CAMTA1: variants seen among roughly 807,000 people sequenced by gnomAD.
CAMTA1 encodes the protein calmodulin-binding transcription activator 1.
In CAMTA1, 27 loss-of-function variants were observed where a neutral mutation model predicts 170.9. The ratio of observed to expected loss-of-function variants is 0.16; its 90% CI spans 0.12 to 0.22. The LOEUF (loss-of-function observed/expected upper bound fraction) is 0.22. CAMTA1 is among the 10% of genes least tolerant of loss of function. The probability of loss-of-function intolerance (pLI) is 1.00; values close to 1 mark genes in which losing one functional copy is unlikely to be tolerated. For synonymous variants in CAMTA1, 833 were observed against 891.5 expected, an observed-to-expected ratio of 0.93 and a Z score of 1.17; for missense variants, 1,619 against 2,217.2, an observed-to-expected ratio of 0.73 and a Z score of 5.42.
intron 6 of CAMTA1, among the ~76,000 whole-genome samples, chr1:7,602,815 ACACTG>A (rs1260420016): frequency 4.2e-4 from 64 of 152,334 alleles, no homozygotes; most frequent in African/African-American, 1.5e-3. Flanking sequence ...TTCCCTCTAC[ACACTG>A]CTTTGAATAT....
At chr1:7,168,439 G>T (rs895119665) in intron 4 of CAMTA1, among the ~76,000 whole-genome samples, 9 of 152,206 alleles carry the variant, frequency 5.9e-5, no homozygotes, top group African/African-American at 2.2e-4. Flanking sequence ...GTCTTGCTCT[G>T]TTGCCCAGGC....
chr1:6,823,227 C>T (rs1408834788), intron 2 of CAMTA1, among the ~76,000 whole-genome samples: 18 of 152,036 alleles, frequency 1.2e-4, no homozygotes, highest in Admixed American at 1.2e-3. Context: ...ATCTGGTATT[C>T]TCTGCTTTAA....
intron 5 of CAMTA1, among the ~76,000 whole-genome samples, chr1:7,267,700 G>T (rs1338202985): frequency 6.6e-6 from 1 of 152,202 alleles, no homozygotes; most frequent in Admixed American, 6.5e-5. Context: ...GGGGCCCTGT[G>T]ATGGGCTTTT....
chr1:6,842,308 A>C (rs1656113560), intron 3 of CAMTA1, among the ~76,000 whole-genome samples: 1 of 152,186 alleles, frequency 6.6e-6, no homozygotes, highest in Non-Finnish European at 1.5e-5. Context: ...AGTGAGTGTA[A>C]AAACGCCCTC....
At chr1:7,639,926 G>A (rs1230687813) in intron 6 of CAMTA1, among the ~76,000 whole-genome samples, 1 of 152,156 alleles carries the variant, frequency 6.6e-6, no homozygotes, top group Non-Finnish European at 1.5e-5. Flanking sequence ...GCCTGTGTTG[G>A]GGGCATCCCG....
At chr1:6,902,320 C>T (rs1677291440) in intron 3 of CAMTA1, among the ~76,000 whole-genome samples, 1 of 152,170 alleles carries the variant, frequency 6.6e-6, no homozygotes, top group African/African-American at 2.4e-5. Context: ...AAAGCTGAAA[C>T]AACCCAAATG....
intron 7 of CAMTA1, among the ~76,000 whole-genome samples, chr1:7,659,068 G>T (rs562976719): frequency 1.5e-4 from 23 of 152,318 alleles, no homozygotes; most frequent in Non-Finnish European, 2.9e-4. Context: ...AAGTGAAGAT[G>T]CAGGAGGCAG....
rs143801426 is a variant in CAMTA1, at chr1:7,686,050, T to C, written c.2914+8317T>C. Among the ~76,000 whole-genome samples, 336 of 152,272 alleles carry C rather than the reference T, an allele frequency of 2.2e-3. 1 individual carries two copies. The highest frequency in any genetic ancestry group is 7.7e-3 in the African/African-American group (318 of 41,550). On this transcript the variant is annotated intron_variant, in intron 11 of 22. Transcript: ENST00000303635. ...CCTTAATTCAGCCCAAACTAATCAA[T>C]TGTGCACGTCCTAACCAGTCTTCCC... is the stretch of plus-strand genomic sequence containing the variant.
rs533930582 is a variant in CAMTA1 at position 7,162,547 on chromosome 1, G to C, written c.302+71176G>C. Among the ~76,000 whole-genome samples the C allele has an allele frequency of 2.0e-5, 3 of 152,220 alleles. No individual in the cohort carries two copies. In the East Asian group the frequency reaches 5.8e-4, roughly 29 times the overall value. ...GTATTGTGGACATTTTATATAAAAA[G>C]AATCATACAATGGGTGGTCTCTTGC... is the stretch of plus-strand genomic sequence containing the variant. On this transcript the variant is annotated intron_variant, in intron 4 of 22. Transcript: ENST00000303635.
At chr1:7,375,482 C>T (rs2086775685) in intron 5 of CAMTA1, among the ~76,000 whole-genome samples, 1 of 152,198 alleles carries the variant, frequency 6.6e-6, no homozygotes, top group Non-Finnish European at 1.5e-5. Context: ...CTGGTTGCCA[C>T]TGGGGGACTG....
Position 7,767,937 on chromosome 1 carries a change from G to T in CAMTA1, c.*1446G>T, listed in dbSNP as rs192946928. Reference sequence around the variant, plus strand: ...AAGGATATGTTTACATTTAATTTTGGCTACCAGGAGTTTAGTTTATTTTAT... The same window carrying T: ...AAGGATATGTTTACATTTAATTTTGTCTACCAGGAGTTTAGTTTATTTTAT... On this transcript the variant is annotated 3_prime_UTR_variant, in exon 23 of 23. Transcript: ENST00000303635. The T allele has an allele frequency of 6.6e-6, 1 of 151,922 alleles. No individual in the cohort carries two copies. The highest frequency in any genetic ancestry group is 1.5e-5 in the Non-Finnish European group (1 of 67,860). 9.4% of individuals were successfully genotyped at this position (151,922 alleles called of 1,614,324 possible).
chr1:7,412,394 A>G lies in CAMTA1; in HGVS notation c.439-55436A>G, dbSNP rs1417098750. 9.9e-5 allele frequency among the ~76,000 whole-genome samples: 15 copies of G among 151,432 alleles called. No individual in the cohort carries two copies. The East Asian group carries it at 2.3e-3, about 24-fold the overall frequency. Reference sequence around the variant, plus strand: ...CCACCAACAGTGTAAAAGTGTTCCTATTTCTCCACATCCTCTCCAGCACCT... The same window carrying G: ...CCACCAACAGTGTAAAAGTGTTCCTGTTTCTCCACATCCTCTCCAGCACCT... On this transcript the variant is annotated intron_variant, in intron 5 of 22. Coordinates refer to ENST00000303635, the MANE Select transcript of CAMTA1 (RefSeq NM_015215.4).
intron 6 of CAMTA1, among the ~76,000 whole-genome samples, chr1:7,574,836 A>G (rs973872440): frequency 1.3e-5 from 2 of 152,196 alleles, no homozygotes; most frequent in African/African-American, 2.4e-5. Context: ...TCCACCTGCC[A>G]GTTTCATTTT....
chr1:6,785,500 G>A lies in CAMTA1; in HGVS notation c.-31G>A, dbSNP rs1392531368. ...GCGGCGGCGGCGGTACGAGGCGCGC[G>A]CTCGGGGTCCCGGTCGCGAGGAGGA... On this transcript the variant is annotated 5_prime_UTR_variant, in exon 1 of 23. Coordinates refer to ENST00000303635, the MANE Select transcript of CAMTA1 (RefSeq NM_015215.4). 9.7e-7 allele frequency: 1 copy of A among 1,028,276 alleles called. No homozygotes were observed. The highest frequency in any genetic ancestry group is 1.8e-5 in the African/African-American group (1 of 56,496). 63.7% of individuals were successfully genotyped at this position (1,028,276 alleles called of 1,614,324 possible). A position where few individuals can be genotyped will look rare whatever the true frequency, so the allele number is the denominator to read the frequency against.
At chr1:7,124,939 C>T (rs866579609) in intron 4 of CAMTA1, among the ~76,000 whole-genome samples, 4 of 152,106 alleles carry the variant, frequency 2.6e-5, no homozygotes, top group Admixed American at 6.5e-5. Flanking sequence ...GAGATTTTGT[C>T]GGGGGAAGTT....
At chr1:7,460,613 G>T (rs1246135952) in intron 5 of CAMTA1, among the ~76,000 whole-genome samples, 1 of 149,360 alleles carries the variant, frequency 6.7e-6, no homozygotes, top group Non-Finnish European at 1.5e-5. Context: ...ACCCCAGCCT[G>T]CCCCCAGTTC....
intron 11 of CAMTA1, among the ~76,000 whole-genome samples, chr1:7,717,003 A>C (rs1432970283): frequency 6.6e-6 from 1 of 152,222 alleles, no homozygotes; most frequent in Non-Finnish European, 1.5e-5. Flanking sequence ...CATTCTGTGA[A>C]GTGAAGTAAG....
intron 11 of CAMTA1, among the ~76,000 whole-genome samples, chr1:7,695,688 CACAGTG>C (rs1167936756): frequency 6.6e-6 from 1 of 152,052 alleles, no homozygotes; most frequent in Non-Finnish European, 1.5e-5. Context: ...CATGAGGGGC[CACAGTG>C]ACAAAGTGAC....
At chr1:6,943,146 G>A (rs569238029) in intron 3 of CAMTA1, among the ~76,000 whole-genome samples, 13 of 151,936 alleles carry the variant, frequency 8.6e-5, no homozygotes, top group East Asian at 1.9e-4. Flanking sequence ...CATTAGCAGC[G>A]GTTAACACAG....
Sources: allele counts gnomAD v4.1 joint callset (sites outside exome capture counted in the v4.1 genomes callset), GRCh38; gene constraint gnomAD v4.1.1; transcripts MANE v1.5; gene names NCBI Gene and HGNC (gene_info 2026-07-23, HGNC 2026-07-21).